KCNJ6: variants seen among roughly 807,000 people sequenced by gnomAD.
The protein encoded by KCNJ6 is G protein-activated inward rectifier potassium channel 2.
A neutral mutation model predicts 34.2 loss-of-function variants in KCNJ6; 9 were observed. The observed-to-expected ratio is 0.26, with a 90% CI of 0.16 to 0.46. The LOEUF (loss-of-function observed/expected upper bound fraction) is 0.46. KCNJ6 is among the 20% of genes least tolerant of loss of function. The pLI is 1.00. For missense variants in KCNJ6, 236 were observed against 531.3 expected (o/e 0.44, Z 5.46); for synonymous variants, 196 against 207.1 (o/e 0.95, Z 0.46).
intron 2 of KCNJ6, among the ~76,000 whole-genome samples, chr21:37,760,396 G>A (rs1405527722): frequency 1.3e-5 from 2 of 152,222 alleles, no homozygotes; most frequent in Non-Finnish European, 2.9e-5. Flanking sequence ...TGATTCCAGA[G>A]TCCACACCCC....
intron 1 of KCNJ6, among the ~76,000 whole-genome samples, chr21:37,904,889 A>C (rs935657262): frequency 2.0e-5 from 3 of 152,232 alleles, no homozygotes; most frequent in African/African-American, 7.2e-5. Context: ...AATCCCCAAA[A>C]ACATGCTCTT....
rs1555855559 is a variant in KCNJ6 at position 37,914,008 on chromosome 21, G to GGTGTGTGGGTGT, written c.-28+1875_-28+1876insACACCCACACAC. 3.8e-4 allele frequency among the ~76,000 whole-genome samples: 52 copies of GGTGTGTGGGTGT among 135,584 alleles called. 1 individual carries two copies. Among genetic ancestry groups the GGTGTGTGGGTGT allele is most frequent in the Middle Eastern group, 3.7e-3 (1 of 270 alleles). 88.9% of individuals were successfully genotyped at this position (135,584 alleles called of 152,430 possible). A position where few individuals can be genotyped will look rare whatever the true frequency, so the allele number is the denominator to read the frequency against. On this transcript the variant is annotated intron_variant, in intron 1 of 3. Coordinates refer to ENST00000609713, the MANE Select transcript of KCNJ6 (RefSeq NM_002240.5). ...GCAACCCTCGTCAGAGGCGGATCGG[G>GGTGTGTGGGTGT]GTGTGTGTGTGTGTGTGTGTGTGTG... is the stretch of plus-strand genomic sequence containing the variant.
At chr21:37,890,626 T>C (rs377593105) in intron 1 of KCNJ6, among the ~76,000 whole-genome samples, 21 of 152,234 alleles carry the variant, frequency 1.4e-4, no homozygotes, top group African/African-American at 5.1e-4. Flanking sequence ...AAACCTTCTA[T>C]GTGTGAAACA....
intron 2 of KCNJ6, among the ~76,000 whole-genome samples, chr21:37,726,056 C>A (rs1376150925): frequency 6.6e-6 from 1 of 152,160 alleles, no homozygotes; most frequent in Admixed American, 6.5e-5. Context: ...CAGGTGCATG[C>A]CACCATGCCT....
chr21:37,865,814 G>A (rs968704980), intron 1 of KCNJ6, among the ~76,000 whole-genome samples: 2 of 152,202 alleles, frequency 1.3e-5, no homozygotes, highest in African/African-American at 4.8e-5. Flanking sequence ...ACAAAGAAGT[G>A]TTGGATTTAA....
intron 3 of KCNJ6, among the ~76,000 whole-genome samples, chr21:37,712,574 TTCTTC>T (rs2054762285): frequency 1.3e-5 from 1 of 79,642 alleles, no homozygotes. Flanking sequence ...TCTCCTCCTC[TTCTTC>T]CTCCCTTTCT....
At chr21:37,896,183 G>A (rs568028941) in intron 1 of KCNJ6, among the ~76,000 whole-genome samples, 8 of 152,308 alleles carry the variant, frequency 5.3e-5, no homozygotes, top group East Asian at 1.9e-4. Context: ...ACCCGATCTC[G>A]TAAGAACTCA....
At chr21:37,741,942 C>T (rs539844285) in intron 2 of KCNJ6, among the ~76,000 whole-genome samples, 4 of 152,332 alleles carry the variant, frequency 2.6e-5, no homozygotes, top group East Asian at 3.9e-4. Flanking sequence ...TTTATTCACA[C>T]GTGCTGTAGT....
chr21:37,683,820 G>T (rs2123420798), intron 3 of KCNJ6, among the ~76,000 whole-genome samples: 1 of 152,238 alleles, frequency 6.6e-6, no homozygotes, highest in African/African-American at 2.4e-5. Flanking sequence ...GCAATTATGT[G>T]AAGTGGCAGA....
At chr21:37,723,664 AG>A (rs2054838468) in intron 2 of KCNJ6, among the ~76,000 whole-genome samples, 1 of 152,236 alleles carries the variant, frequency 6.6e-6, no homozygotes, top group South Asian at 2.1e-4. Context: ...ACGCAGGAAC[AG>A]AAAACCAAAT....
chr21:37,791,111 T>C (rs919365978), intron 2 of KCNJ6, among the ~76,000 whole-genome samples: 1 of 152,234 alleles, frequency 6.6e-6, no homozygotes, highest in South Asian at 2.1e-4. Flanking sequence ...GGAGGGACCT[T>C]GTCCTCCAGC....
chr21:37,808,839 T>C (rs1367136023), intron 2 of KCNJ6, among the ~76,000 whole-genome samples: 2 of 152,214 alleles, frequency 1.3e-5, no homozygotes, highest in Non-Finnish European at 2.9e-5. Context: ...CCTTTCTCTC[T>C]CTCTCTTCTT....
intron 2 of KCNJ6, among the ~76,000 whole-genome samples, chr21:37,717,445 G>C (rs970579840): frequency 6.6e-6 from 1 of 151,734 alleles, no homozygotes; most frequent in Non-Finnish European, 1.5e-5. Flanking sequence ...ATGGATGGAG[G>C]CAAAGGCCAT....
chr21:37,915,641 C>T (rs1192941472), intron 1 of KCNJ6, among the ~76,000 whole-genome samples: 3 of 152,246 alleles, frequency 2.0e-5, no homozygotes, highest in African/African-American at 7.2e-5. Context: ...CCCCTCCTTC[C>T]CCCGCCCCCC....
intron 2 of KCNJ6, among the ~76,000 whole-genome samples, chr21:37,820,658 C>G (rs573913515): frequency 8.3e-4 from 127 of 152,314 alleles, no homozygotes; most frequent in African/African-American, 2.9e-3. Flanking sequence ...TAACAGAACT[C>G]AAGAAAGTGC....
At chr21:37,772,662 C>A (rs9305624) in intron 2 of KCNJ6, among the ~76,000 whole-genome samples, 39,912 of 151,944 alleles carry the variant, frequency 0.26, 5,398 homozygotes, top group Middle Eastern at 0.31. Context: ...ATCTGTATAG[C>A]CTATATTTCT....
At chr21:37,758,164 T>C (rs150162400) in intron 2 of KCNJ6, among the ~76,000 whole-genome samples, 141 of 150,910 alleles carry the variant, frequency 9.3e-4, no homozygotes, top group African/African-American at 3.3e-3. Flanking sequence ...CCTTGAGCGA[T>C]TAAGACAGTG....
chr21:37,869,154 C>T (rs1192704520), intron 1 of KCNJ6, among the ~76,000 whole-genome samples: 3 of 152,232 alleles, frequency 2.0e-5, no homozygotes, highest in Admixed American at 6.5e-5. Context: ...ATGAATCACA[C>T]ACTCTGGGGA....
At chr21:37,723,843 C>G (rs1182717823) in intron 2 of KCNJ6, among the ~76,000 whole-genome samples, 1 of 151,986 alleles carries the variant, frequency 6.6e-6, no homozygotes, top group Non-Finnish European at 1.5e-5. Context: ...ATGCTGTACT[C>G]CAAACCTCAG....
Sources: gnomAD v4.1 joint callset for allele counts (sites outside exome capture counted in the v4.1 genomes callset) on GRCh38, gnomAD v4.1.1 for gene constraint, MANE v1.5 for transcripts, NCBI Gene and HGNC (gene_info 2026-07-23, HGNC 2026-07-21) for gene names.